UBE4B: variants seen among roughly 807,000 people sequenced by gnomAD.
UBE4B encodes the protein ubiquitin conjugation factor E4 B.
Under a neutral mutation model 148.1 loss-of-function variants are expected in UBE4B, and 27 were observed. The observed-to-expected ratio is 0.18, with a 90% CI of 0.13 to 0.25. UBE4B has a LOEUF of 0.25. Among genes scored for constraint, UBE4B ranks in the 10% least tolerant of loss-of-function variants. The pLI, the probability that UBE4B is intolerant of heterozygous loss-of-function variation, is 1.00. For synonymous variants in UBE4B, 596 were observed against 619.3 expected (o/e 0.96, Z 0.56); for missense variants, 1,170 against 1,662.4 (o/e 0.70, Z 5.15).
At chr1:10,113,347 A>G (rs1307084134) in intron 7 of UBE4B, among the ~76,000 whole-genome samples, 1 of 152,218 alleles carries the variant, frequency 6.6e-6, no homozygotes, top group Admixed American at 6.5e-5. Flanking sequence ...ACCTCCCACT[A>G]GGCCCGTGCT....
intron 1 of UBE4B, among the ~76,000 whole-genome samples, chr1:10,037,970 C>T (rs116782657): frequency 3.9e-5 from 6 of 151,958 alleles, no homozygotes; most frequent in South Asian, 2.1e-4. Context: ...GCTGGGATTC[C>T]GGGTGTGGTC....
intron 2 of UBE4B, 84 bp from the exon 3 acceptor site, chr1:10,095,377 A>C: frequency 1.9e-6 from 3 of 1,540,822 alleles, no homozygotes; most frequent in Non-Finnish European, 2.6e-6. Context: ...GTGACTGCAG[A>C]TTGTGCGTGT....
At chr1:10,058,328 C>T (rs777954629) in intron 1 of UBE4B, among the ~76,000 whole-genome samples, 1 of 152,106 alleles carries the variant, frequency 6.6e-6, no homozygotes, top group Non-Finnish European at 1.5e-5. Flanking sequence ...GCAGGGTGAC[C>T]GTGCCATTCT....
chr1:10,101,330 A>C, intron 4 of UBE4B, 135 bp downstream of exon 4: 1 of 755,760 alleles, frequency 1.3e-6, no homozygotes, highest in East Asian at 2.7e-5. Context: ...TATTCTTTTG[A>C]GGAAAAATGA....
chr1:10,071,947 G>C, intron 1 of UBE4B, 81 bp from the exon 2 acceptor site: 1 of 1,400,436 alleles, frequency 7.1e-7, no homozygotes, highest in Non-Finnish European at 9.5e-7. Context: ...ACTCTGGTTT[G>C]GTTATGAATA....
At chr1:10,162,320 C>T (rs1300064196) in intron 23 of UBE4B, among the ~76,000 whole-genome samples, 1 of 151,958 alleles carries the variant, frequency 6.6e-6, no homozygotes, top group African/African-American at 2.4e-5. Context: ...ACTACAGGCA[C>T]CTGCCACTAC....
intron 3 of UBE4B, among the ~76,000 whole-genome samples, chr1:10,100,210 C>T (rs1006915269): frequency 6.6e-6 from 1 of 152,106 alleles, no homozygotes; most frequent in Admixed American, 6.6e-5. Flanking sequence ...AGGATGGTCT[C>T]GATTTCCTGA....
Position 10,151,482 on chromosome 1 carries a change from C to G in UBE4B, c.2847C>G (p.Thr949=), listed in dbSNP as rs564012900. The change falls in exon 21 of 28, where the codon ACC becomes ACG. Residue 949 remains threonine, a synonymous_variant. Transcript: ENST00000343090. ...CCAACCCTGCTGTTCAGCCACGAACCCAGAAGTTTTTTGAAATGATTGAGA... is the reference window on the plus strand; with the variant it reads ...CCAACCCTGCTGTTCAGCCACGAACGCAGAAGTTTTTTGAAATGATTGAGA... ...FMTNPAVQPR[T]QKFFEMIENH... is the part of the protein sequence containing the mutation. 11 of 1,614,042 alleles carry G rather than the reference C, an allele frequency of 6.8e-6. No homozygotes were observed. The highest frequency in any genetic ancestry group is 3.3e-5 in the Admixed American group (2 of 59,982).
chr1:10,103,059 C>G lies in UBE4B; in HGVS notation c.547C>G (p.Leu183Val). The change falls in exon 5 of 28, where the codon CTT becomes GTT. Residue 183 changes from leucine (L) to valine (V), a missense_variant. Physicochemically the swap from Leu to Val is conservative, Grantham distance 32 (BLOSUM62 1). Coordinates refer to ENST00000343090, the MANE Select transcript of UBE4B (RefSeq NM_001105562.3). Reference protein sequence around the residue: ...RDRDVIFLSSLSAQFKQNPKE... With the variant: ...RDRDVIFLSSVSAQFKQNPKE... ...CAGAGATGTCATCTTTCTTTCTTCT[C>G]TTTCTGCACAGTTTAAGCAGAACCC... 1 of 1,612,510 alleles carries G rather than the reference C, an allele frequency of 6.2e-7. No homozygotes were observed. Among genetic ancestry groups the G allele is most frequent in the African/African-American group, 1.3e-5 (1 of 75,006 alleles).
chr1:10,156,112 G>A (rs1025147864), intron 21 of UBE4B, among the ~76,000 whole-genome samples: 1 of 151,814 alleles, frequency 6.6e-6, no homozygotes, highest in Non-Finnish European at 1.5e-5. Context: ...TCCACCTACG[G>A]CCTTCTAGAA....
In UBE4B at chr1:10,179,439, A is replaced by G; in HGVS notation, c.3724A>G (p.Thr1242Ala). The G allele has an allele frequency of 6.2e-7, 1 of 1,613,898 alleles. No homozygotes were observed. Among genetic ancestry groups the G allele is most frequent in the Non-Finnish European group, 8.5e-7 (1 of 1,179,988 alleles). ...AGACCCTCTGATGGACACCCTCATGACAGACCCCGTGCGGCTGCCCTCTGG... is the reference window on the plus strand; with the variant it reads ...AGACCCTCTGATGGACACCCTCATGGCAGACCCCGTGCGGCTGCCCTCTGG... ...FRDPLMDTLMTDPVRLPSGTI... is the reference protein window; with the variant it reads ...FRDPLMDTLMADPVRLPSGTI... The change falls in exon 27 of 28, where the codon ACA becomes GCA. Residue 1242 changes from threonine to alanine, a missense_variant. This residue lies in a region of UBE4B where 348 missense variants were observed against 627.2 expected (regional missense o/e 0.55). Transcript: ENST00000343090.
chr1:10,097,256 A>T (rs918380059), intron 3 of UBE4B, among the ~76,000 whole-genome samples: 1 of 152,068 alleles, frequency 6.6e-6, no homozygotes, highest in Non-Finnish European at 1.5e-5. Flanking sequence ...GATACAGAGG[A>T]CAGAGTCCTT....
At chr1:10,070,129 G>T (rs1051711983) in intron 1 of UBE4B, among the ~76,000 whole-genome samples, 11 of 151,824 alleles carry the variant, frequency 7.2e-5, no homozygotes, top group African/African-American at 2.2e-4. Flanking sequence ...TAAAAATTAG[G>T]TGGGTGTGGT....
intron 25 of UBE4B, among the ~76,000 whole-genome samples, chr1:10,173,749 C>T (rs539801390): frequency 1.4e-4 from 21 of 152,236 alleles, no homozygotes; most frequent in African/African-American, 4.1e-4. Flanking sequence ...GTTTAGTGTG[C>T]GCCCTCTCCA....
At chr1:10,095,104 G>C (rs929890131) in intron 2 of UBE4B, among the ~76,000 whole-genome samples, 19 of 152,134 alleles carry the variant, frequency 1.2e-4, no homozygotes, top group African/African-American at 4.6e-4. Context: ...CTTCTTTTGG[G>C]CGCATTTCAA....
At chr1:10,061,310 A>G (rs1198221295) in intron 1 of UBE4B, among the ~76,000 whole-genome samples, 2 of 151,946 alleles carry the variant, frequency 1.3e-5, no homozygotes, top group Non-Finnish European at 1.5e-5. Flanking sequence ...CTGGAGTGCA[A>G]GTGGCATGAT....
Position 10,106,438 on chromosome 1 carries a change from C to T in UBE4B, c.1051C>T (p.Pro351Ser), listed in dbSNP as rs979260168. The T allele has an allele frequency of 5.0e-6, 8 of 1,613,758 alleles. No individual in the cohort carries two copies. The African/African-American group carries it at 9.3e-5, about 19-fold the overall frequency. ...SSGVSILSSS[P>S]SPPALASSPQ... is the part of the protein sequence containing the mutation. ...AGGCGTCTCCATTCTGTCGAGCTCC[C>T]CAAGTCCCCCTGCCCTCGCCAGTAG... is the stretch of plus-strand genomic sequence containing the variant. Residue 351 changes from proline to serine, a missense_variant, in exon 7 of 28, where the codon CCA becomes TCA. Coordinates refer to ENST00000343090, the MANE Select transcript of UBE4B (RefSeq NM_001105562.3). The surrounding 1 kb of genome is among the most constrained non-coding windows in gnomAD (Gnocchi z 4.2).
At chr1:10,160,632 A>G (rs1646145271) in intron 22 of UBE4B, among the ~76,000 whole-genome samples, 1 of 152,168 alleles carries the variant, frequency 6.6e-6, no homozygotes, top group South Asian at 2.1e-4. Flanking sequence ...GAATGAGCTT[A>G]TCATAAACAA....
Position 10,050,721 on chromosome 1 carries a change from C to CTT in UBE4B, c.24+17043_24+17044dup, listed in dbSNP as rs1174636299. 4.5e-4 allele frequency among the ~76,000 whole-genome samples: 60 copies of CTT among 133,396 alleles called. No homozygotes were observed. In the Middle Eastern group the frequency reaches 0.02, roughly 44 times the overall value. 87.5% of individuals were successfully genotyped at this position (133,396 alleles called of 152,430 possible). ...AACATGTCTTTTCAGGACTCCTATT[C>CTT]TTTTTTTTTTTTTTTTTATAGAGGT... On this transcript the variant is annotated intron_variant, in intron 1 of 27. Transcript: ENST00000343090.
Sources: allele counts gnomAD v4.1 joint callset (sites outside exome capture counted in the v4.1 genomes callset), GRCh38; gene constraint gnomAD v4.1.1; regional missense constraint gnomAD v4.1.1; non-coding constraint Gnocchi (gnomAD v3.1); transcripts MANE v1.5; gene names NCBI Gene and HGNC (gene_info 2026-07-23, HGNC 2026-07-21).